The following SVIL variants were observed in gnomAD, a reference collection of about 807,000 sequenced individuals.
The protein encoded by SVIL is archvillin.
In SVIL, 101 loss-of-function variants were observed where a neutral mutation model predicts 240.4. The observed-to-expected ratio is 0.42, with a 90% CI of 0.36 to 0.50. The LOEUF (loss-of-function observed/expected upper bound fraction) is 0.50, where lower values mean the gene tolerates loss of function less well. Ranked by LOEUF, SVIL falls within the 20% of genes least tolerant of loss-of-function variation. The pLI is 0.01. For synonymous variants in SVIL, 999 were observed against 1,100.0 expected (o/e 0.91, Z 1.82); for missense variants, 2,512 against 2,818.7 (o/e 0.89, Z 2.46).
intron 3 of SVIL, among the ~76,000 whole-genome samples, chr10:29,557,094 T>TC (rs1362207150): frequency 1.3e-5 from 2 of 150,970 alleles, no homozygotes; most frequent in Middle Eastern, 3.4e-3. Flanking sequence ...TTTTCTTTTC[T>TC]CCCCCCTCCC....
At chr10:29,672,727 T>G (rs1589488420) in intron 2 of SVIL, among the ~76,000 whole-genome samples, 1 of 151,368 alleles carries the variant, frequency 6.6e-6, no homozygotes, top group Admixed American at 6.6e-5. Context: ...GAGTGGGAAG[T>G]TCCTTCCTCT....
Position 29,634,517 on chromosome 10 carries a change from C to T in SVIL, c.-298G>A, listed in dbSNP as rs1397063879. On this transcript the variant is annotated 5_prime_UTR_variant, in exon 1 of 38. Transcript: ENST00000355867. Reference sequence around the variant, plus strand: ...TTCTAATTTAAAAAACAAAACAAAACACGTTATACCCTCGAATCCAGCTTT... The same window carrying T: ...TTCTAATTTAAAAAACAAAACAAAATACGTTATACCCTCGAATCCAGCTTT... The T allele has an allele frequency of 6.6e-6, 1 of 152,114 alleles. No individual in the cohort carries two copies. The highest frequency in any genetic ancestry group is 6.6e-5 in the Admixed American group (1 of 15,266). 9.4% of individuals were successfully genotyped at this position (152,114 alleles called of 1,614,324 possible).
intron 16 of SVIL, among the ~76,000 whole-genome samples, chr10:29,519,073 A>G (rs796474073): frequency 4.0e-5 from 6 of 151,872 alleles, no homozygotes; most frequent in African/African-American, 1.5e-4. Flanking sequence ...CAAATTCCAG[A>G]CTCTATTTCT....
chr10:29,663,491 G>A (rs991104896), intron 2 of SVIL, among the ~76,000 whole-genome samples: 5 of 152,102 alleles, frequency 3.3e-5, no homozygotes, highest in Non-Finnish European at 4.4e-5. Flanking sequence ...CAGGTCCATG[G>A]AATTACAGGT....
intron 2 of SVIL, among the ~76,000 whole-genome samples, chr10:29,678,656 G>A (rs1330696208): frequency 6.6e-6 from 1 of 152,212 alleles, no homozygotes; most frequent in East Asian, 1.9e-4. Context: ...CTGTTCCCTG[G>A]AGGAATTCTG....
intron 1 of SVIL, among the ~76,000 whole-genome samples, chr10:29,609,683 G>A (rs985864523): frequency 6.6e-6 from 1 of 152,224 alleles, no homozygotes; most frequent in Non-Finnish European, 1.5e-5. Context: ...GCCCACAGTG[G>A]AAGCCACTTG....
At chr10:29,570,007 C>T (rs944754151) in intron 1 of SVIL, among the ~76,000 whole-genome samples, 1 of 152,190 alleles carries the variant, frequency 6.6e-6, no homozygotes, top group African/African-American at 2.4e-5. Flanking sequence ...CAGCATTTGT[C>T]CACTAAGAAA....
In SVIL at chr10:29,683,145, G is replaced by T. The variant is rs1388163430; in HGVS notation, c.-301+3408C>A. On this transcript the variant is annotated intron_variant, in intron 2 of 35. Transcript: ENST00000375400. ...ATGTACAATGGTTTGGTCCAGAAAA[G>T]TGGGACAACTGGAAGCTGGGAGTGG... Among the ~76,000 whole-genome samples, 4 of 152,228 alleles carry T rather than the reference G, an allele frequency of 2.6e-5. No individual in the cohort carries two copies. The East Asian group carries it at 5.8e-4, about 22-fold the overall frequency.
In SVIL at chr10:29,524,034, G is replaced by A. The variant is rs780000034; in HGVS notation, c.2587-7C>T. On this transcript the variant is annotated splice_region_variant and splice_polypyrimidine_tract_variant and intron_variant, in intron 14 of 37. Coordinates refer to ENST00000355867, the MANE Select transcript of SVIL (RefSeq NM_021738.3). ...TGAGCTTTCCACTCTGCACCTGGAAGGACACAGTTAAAAATTAAAAAGCTG... is the reference window on the plus strand; with the variant it reads ...TGAGCTTTCCACTCTGCACCTGGAAAGACACAGTTAAAAATTAAAAAGCTG... 1 of 1,580,766 alleles carries A rather than the reference G, an allele frequency of 6.3e-7. No homozygotes were observed.
At chr10:29,619,499 C>T (rs1957548154) in intron 1 of SVIL, among the ~76,000 whole-genome samples, 1 of 152,140 alleles carries the variant, frequency 6.6e-6, no homozygotes, top group South Asian at 2.1e-4. Flanking sequence ...TGAAGGGAAC[C>T]AAAGCTGGAA....
At chr10:29,593,287 A>G (rs944241579) in intron 1 of SVIL, among the ~76,000 whole-genome samples, 1 of 152,254 alleles carries the variant, frequency 6.6e-6, no homozygotes, top group African/African-American at 2.4e-5. Context: ...AGGCTCTGAC[A>G]GTAGCGGACA....
chr10:29,525,928 G>A (rs1564573646), intron 13 of SVIL, among the ~76,000 whole-genome samples: 1 of 152,158 alleles, frequency 6.6e-6, no homozygotes, highest in Admixed American at 6.5e-5. Flanking sequence ...TAACCAGGAG[G>A]GCAGGGAAAC....
In SVIL at chr10:29,484,638, G is replaced by A. The variant is rs375429162; in HGVS notation, c.4955+18C>T. On this transcript the variant is annotated intron_variant, in intron 27 of 37. Coordinates refer to ENST00000355867, the MANE Select transcript of SVIL (RefSeq NM_021738.3). This position sits in a 1 kb window ranked among gnomAD's most constrained non-coding sequence, Gnocchi z 4.7. ...TCAGCTCGCTTGAAGAGCTGTCCCCGGGCGGCGGCAGGAGTACCTGGGGAT... is the reference window on the plus strand; with the variant it reads ...TCAGCTCGCTTGAAGAGCTGTCCCCAGGCGGCGGCAGGAGTACCTGGGGAT... The A allele has an allele frequency of 1.2e-5, 19 of 1,602,730 alleles. No individual in the cohort carries two copies. Among genetic ancestry groups the A allele is most frequent in the Admixed American group, 3.4e-5 (2 of 58,954 alleles).
intron 17 of SVIL, among the ~76,000 whole-genome samples, chr10:29,508,759 A>C (rs1287268309): frequency 6.6e-6 from 1 of 152,174 alleles, no homozygotes; most frequent in Non-Finnish European, 1.5e-5. Context: ...AGCTGGATAC[A>C]CTGACCTCAC....
At chr10:29,509,152 C>T (rs1350056647) in intron 17 of SVIL, among the ~76,000 whole-genome samples, 3 of 152,132 alleles carry the variant, frequency 2.0e-5, no homozygotes. Flanking sequence ...AGACCAAATC[C>T]ACAAAACAGA....
intron 1 of SVIL, among the ~76,000 whole-genome samples, chr10:29,691,799 G>A (rs1302780281): frequency 1.3e-5 from 2 of 152,144 alleles, no homozygotes; most frequent in Non-Finnish European, 2.9e-5. Context: ...CGGAATCCCT[G>A]TAACACTCTG....
chr10:29,691,121 A>AT (rs146472243), intron 1 of SVIL, among the ~76,000 whole-genome samples: 15 of 151,634 alleles, frequency 9.9e-5, no homozygotes, highest in South Asian at 2.1e-4. Flanking sequence ...TAGTAGAAAG[A>AT]TTTTTTTTTC....
chr10:29,526,871 A>G, intron 13 of SVIL, 90 bp downstream of exon 13: 1 of 1,115,938 alleles, frequency 9.0e-7, no homozygotes, highest in Non-Finnish European at 1.2e-6. Context: ...TTGTTTGTCA[A>G]ACAAACGACA....
chr10:29,552,180 A>G (rs1953420938), intron 5 of SVIL, among the ~76,000 whole-genome samples: 1 of 152,008 alleles, frequency 6.6e-6, no homozygotes, highest in Non-Finnish European at 1.5e-5. Flanking sequence ...ACATTTTTAT[A>G]TATTCCTTCT....
Sources: allele counts gnomAD v4.1 joint callset (sites outside exome capture counted in the v4.1 genomes callset), GRCh38; gene constraint gnomAD v4.1.1; non-coding constraint Gnocchi (gnomAD v3.1); transcripts MANE v1.5; gene names NCBI Gene and HGNC (gene_info 2026-07-23, HGNC 2026-07-21).